DNMT3B: variants seen among roughly 807,000 people sequenced by gnomAD.
The protein encoded by DNMT3B is DNA methyltransferase 3 beta.
DNMT3B carries 37 observed loss-of-function variants against 120.2 expected under a neutral mutation model. The ratio of observed to expected loss-of-function variants is 0.31; its 90% CI spans 0.24 to 0.40. DNMT3B has a LOEUF of 0.40. Among genes scored for constraint, DNMT3B ranks in the 10% least tolerant of loss-of-function variants. The pLI is 1.00. For missense variants in DNMT3B, 878 were observed against 1,137.3 expected, an observed-to-expected ratio of 0.77 and a Z score of 3.28; for synonymous variants, 412 against 442.8, an observed-to-expected ratio of 0.93 and a Z score of 0.87.
intron 1 of DNMT3B, among the ~76,000 whole-genome samples, chr20:32,774,508 CTTTTTTTTTTTTT>C (rs386393640): frequency 1.0e-4 from 10 of 98,512 alleles, no homozygotes; most frequent in Non-Finnish European, 1.7e-4. Flanking sequence ...CGCGCCTGGC[CTTTTTTTTTTTTT>C]TTTTTTTTTA....
At chr20:32,763,487 A>C (rs993299657) in intron 1 of DNMT3B, among the ~76,000 whole-genome samples, 1 of 152,168 alleles carries the variant, frequency 6.6e-6, no homozygotes, top group Admixed American at 6.5e-5. Flanking sequence ...TTCCATTCTT[A>C]GCCTAACTCC....
intron 17 of DNMT3B, 47 bp downstream of exon 17, chr20:32,800,345 T>C (rs1981179275): frequency 3.1e-6 from 5 of 1,612,702 alleles, no homozygotes; most frequent in Non-Finnish European, 3.4e-6. Flanking sequence ...CCTGTCTTTT[T>C]CCCCAGTCCT....
intron 3 of DNMT3B, among the ~76,000 whole-genome samples, chr20:32,782,408 AC>A (rs1290914474): frequency 6.6e-6 from 1 of 152,196 alleles, no homozygotes; most frequent in Non-Finnish European, 1.5e-5. Context: ...CCAATGAAAA[AC>A]CTGCTGCTAC....
At position 32,766,881 on chromosome 20, in the gene DNMT3B, AT is replaced by A. The variant is rs111572909; in HGVS notation, c.-7+4191del. Among the ~76,000 whole-genome samples, 48 of 149,964 alleles carry A rather than the reference AT, an allele frequency of 3.2e-4. No homozygotes were observed. In the East Asian group the frequency reaches 5.5e-3, roughly 17 times the overall value. On this transcript the variant is annotated intron_variant, in intron 1 of 22. Transcript: ENST00000328111. ...ACATGAGCCAACACACCCAAATTCA[AT>A]TTTTTTTTAATTATTTTTATTTTTT... is the stretch of plus-strand genomic sequence containing the variant.
At chr20:32,766,079 TCA>T (rs1396089934) in intron 1 of DNMT3B, among the ~76,000 whole-genome samples, 2 of 152,278 alleles carry the variant, frequency 1.3e-5, no homozygotes, top group East Asian at 3.9e-4. Flanking sequence ...GGGTGCTGCC[TCA>T]CACCCATAAT....
At position 32,787,352 on chromosome 20, in the gene DNMT3B, T is replaced by C; in HGVS notation, c.555T>C (p.Ser185=). ...EDTHGTPQSS[S]TPYARLAQDS... ...CACATGGGACGCCCCAGAGCAGCAG[T>C]ACCCCCTACGCCCGCCTAGCCCAGG... is the stretch of plus-strand genomic sequence containing the variant. The change falls in exon 6 of 23, where the codon AGT becomes AGC. Residue 185 remains serine (S), a synonymous_variant. Coordinates refer to ENST00000328111, the MANE Select transcript of DNMT3B (RefSeq NM_006892.4). 8 of 1,614,180 alleles carry C rather than the reference T, an allele frequency of 5.0e-6. No homozygotes were observed. Among genetic ancestry groups the C allele is most frequent in the Non-Finnish European group, 6.8e-6 (8 of 1,180,036 alleles).
At chr20:32,774,048 T>C (rs1241069555) in intron 1 of DNMT3B, among the ~76,000 whole-genome samples, 1 of 150,304 alleles carries the variant, frequency 6.7e-6, no homozygotes, top group East Asian at 2.0e-4. Flanking sequence ...GACCTTGTGT[T>C]CTGTCATGTG....
At chr20:32,790,210 T>G (rs1256324444) in intron 7 of DNMT3B, among the ~76,000 whole-genome samples, 1 of 152,212 alleles carries the variant, frequency 6.6e-6, no homozygotes, top group African/African-American at 2.4e-5. Flanking sequence ...TGCAGTTGCC[T>G]GCTGTGACCA....
At chr20:32,790,954 G>A (rs1198605165) in intron 7 of DNMT3B, among the ~76,000 whole-genome samples, 5 of 152,176 alleles carry the variant, frequency 3.3e-5, no homozygotes, top group East Asian at 1.9e-4. Flanking sequence ...GAGCCACTAC[G>A]TCTGGCCTTT....
intron 7 of DNMT3B, among the ~76,000 whole-genome samples, chr20:32,789,658 AT>A (rs1979729695): frequency 6.6e-6 from 1 of 152,066 alleles, no homozygotes; most frequent in South Asian, 2.1e-4. Flanking sequence ...CAGTGGTGCG[AT>A]CTTGGCTCAC....
chr20:32,791,319 G>A (rs1979948930), intron 7 of DNMT3B, among the ~76,000 whole-genome samples: 1 of 152,178 alleles, frequency 6.6e-6, no homozygotes, highest in Admixed American at 6.5e-5. Flanking sequence ...TACAAACACA[G>A]GGTTCGCCTA....
At chr20:32,792,560 C>T (rs1180970917) in intron 8 of DNMT3B, 66 bp from the exon 9 acceptor site, 2 of 1,612,734 alleles carry the variant, frequency 1.2e-6, no homozygotes, top group African/African-American at 1.3e-5. Flanking sequence ...TGGGGGAATC[C>T]CTGGGTGTGG....
At chr20:32,798,984 C>T (rs908666920) in intron 15 of DNMT3B, among the ~76,000 whole-genome samples, 1 of 152,248 alleles carries the variant, frequency 6.6e-6, no homozygotes, top group African/African-American at 2.4e-5. Flanking sequence ...TCATTCCTGT[C>T]TGGGGTGATA....
At position 32,807,972 on chromosome 20, in the gene DNMT3B, G is replaced by A; in HGVS notation, c.*69G>A. 1.2e-6 allele frequency: 2 copies of A among 1,612,030 alleles called. No individual in the cohort carries two copies. The highest frequency in any genetic ancestry group is 1.7e-6 in the Non-Finnish European group (2 of 1,178,978). On this transcript the variant is annotated 3_prime_UTR_variant, in exon 23 of 23. Coordinates refer to ENST00000328111, the MANE Select transcript of DNMT3B (RefSeq NM_006892.4). The stretch of plus-strand genomic sequence containing the variant: ...GGACCCAGGAGGTGTGATTCCTGAA[G>A]GCATCCCCAGGCCCTGCTCTTCCTC...
chr20:32,775,701 A>G (rs1459279953), intron 1 of DNMT3B, among the ~76,000 whole-genome samples: 2 of 152,268 alleles, frequency 1.3e-5, no homozygotes, highest in East Asian at 1.9e-4. Flanking sequence ...GGAAACGCTC[A>G]GCTGGTATAT....
At chr20:32,795,755 T>C (rs1647202953) in intron 12 of DNMT3B, 61 bp downstream of exon 12, 15 of 1,601,218 alleles carry the variant, frequency 9.4e-6, no homozygotes, top group Non-Finnish European at 1.3e-5. Flanking sequence ...TAGGCCTGCC[T>C]TGTCCTGGCT....
intron 5 of DNMT3B, among the ~76,000 whole-genome samples, chr20:32,786,922 C>A (rs898214891): frequency 5.3e-5 from 8 of 152,190 alleles, no homozygotes; most frequent in Non-Finnish European, 1.2e-4. Flanking sequence ...ACTGTCTTCT[C>A]CCTCATGTCT....
chr20:32,768,499 A>G (rs933815435), intron 1 of DNMT3B, among the ~76,000 whole-genome samples: 19 of 151,928 alleles, frequency 1.3e-4, no homozygotes, highest in Non-Finnish European at 2.1e-4. Context: ...GCTAATTTTA[A>G]AATTTTTTAT....
chr20:32,773,288 A>G (rs1987854148), intron 1 of DNMT3B, among the ~76,000 whole-genome samples: 1 of 152,046 alleles, frequency 6.6e-6, no homozygotes, highest in Non-Finnish European at 1.5e-5. Flanking sequence ...TTGTATGGAC[A>G]CACTCTTCTG....
Sources: gnomAD v4.1 joint callset for allele counts (sites outside exome capture counted in the v4.1 genomes callset) on GRCh38, gnomAD v4.1.1 for gene constraint, MANE v1.5 for transcripts, NCBI Gene and HGNC (gene_info 2026-07-23, HGNC 2026-07-21) for gene names.